ADGRG6: variants seen among roughly 807,000 people sequenced by gnomAD.
ADGRG6 encodes the protein G-protein coupled receptor 126.
A neutral mutation model predicts 142.4 loss-of-function variants in ADGRG6; 84 were observed. The ratio of observed to expected loss-of-function variants is 0.59; its 90% CI spans 0.49 to 0.71. The LOEUF (loss-of-function observed/expected upper bound fraction) is 0.71, where lower values mean the gene tolerates loss of function less well. ADGRG6 is among the 30% of genes least tolerant of loss of function. The pLI, the probability that ADGRG6 is intolerant of heterozygous loss-of-function variation, is 0.00. For synonymous variants in ADGRG6, 521 were observed against 520.5 expected (o/e 1.00, Z -0.01); for missense variants, 1,367 against 1,466.6 (o/e 0.93, Z 1.11).
intron 2 of ADGRG6, among the ~76,000 whole-genome samples, chr6:142,315,447 G>A (rs529355293): frequency 6.6e-6 from 1 of 152,112 alleles, no homozygotes; most frequent in South Asian, 2.1e-4. Flanking sequence ...TTTATAGGGT[G>A]GGGTAGTATG....
At chr6:142,332,980 G>T (rs751885853) in intron 2 of ADGRG6, among the ~76,000 whole-genome samples, 26 of 152,194 alleles carry the variant, frequency 1.7e-4, no homozygotes, top group Non-Finnish European at 2.8e-4. Flanking sequence ...CGTAAAAATA[G>T]CTTGGCAGTT....
Position 142,400,986 on chromosome 6 carries a change from A to C in ADGRG6, c.1679+390A>C, listed in dbSNP as rs927261938. 6.6e-5 allele frequency among the ~76,000 whole-genome samples: 10 copies of C among 152,312 alleles called. 1 individual carries two copies. The East Asian group carries it at 1.9e-3, about 29-fold the overall frequency. Reference sequence around the variant, plus strand: ...GGGAGAGGAGGCAAAGAGGAAATGAAGACAAGATCCAGATTGGGATAGTCT... The same window carrying C: ...GGGAGAGGAGGCAAAGAGGAAATGACGACAAGATCCAGATTGGGATAGTCT... On this transcript the variant is annotated intron_variant, in intron 11 of 24. Coordinates refer to ENST00000367609, the MANE Select transcript of ADGRG6 (RefSeq NM_198569.3).
chr6:142,345,265 A>G (rs1463284893), intron 2 of ADGRG6, among the ~76,000 whole-genome samples: 5 of 152,074 alleles, frequency 3.3e-5, no homozygotes, highest in African/African-American at 1.2e-4. Flanking sequence ...GTTTTCAATT[A>G]GGAAATAGCC....
intron 2 of ADGRG6, among the ~76,000 whole-genome samples, chr6:142,346,748 C>T (rs1032238263): frequency 6.6e-6 from 1 of 151,868 alleles, no homozygotes; most frequent in Admixed American, 6.6e-5. Context: ...AGCTGGAAAC[C>T]AGCATTCTCA....
intron 2 of ADGRG6, among the ~76,000 whole-genome samples, chr6:142,359,725 C>T (rs1780626803): frequency 6.6e-6 from 1 of 152,138 alleles, no homozygotes; most frequent in Admixed American, 6.5e-5. Context: ...TTCCCAGAAC[C>T]TGGCACAGTG....
At chr6:142,313,337 A>G (rs1475086195) in intron 2 of ADGRG6, among the ~76,000 whole-genome samples, 1 of 152,008 alleles carries the variant, frequency 6.6e-6, no homozygotes, top group Non-Finnish European at 1.5e-5. Context: ...CTAACACTCC[A>G]TGACTCTGAA....
chr6:142,420,496 C>T (rs1355697497), intron 22 of ADGRG6, among the ~76,000 whole-genome samples: 2 of 152,144 alleles, frequency 1.3e-5, no homozygotes, highest in African/African-American at 4.8e-5. Flanking sequence ...TTCATACATC[C>T]TGTCCCCTGA....
intron 18 of ADGRG6, among the ~76,000 whole-genome samples, chr6:142,413,196 G>A (rs945567766): frequency 6.7e-6 from 1 of 150,230 alleles, no homozygotes; most frequent in Non-Finnish European, 1.5e-5. Flanking sequence ...CCAAGACTTT[G>A]TTAAGAGTTT....
At position 142,443,701 on chromosome 6, in the gene ADGRG6, T is replaced by C; in HGVS notation, c.*186T>C. Reference sequence around the variant, plus strand: ...TAATATATTTCTTCCATGGAAGAGTTGTCATCACTAAAACTTCAGTACTGA... The same window carrying C: ...TAATATATTTCTTCCATGGAAGAGTCGTCATCACTAAAACTTCAGTACTGA... On this transcript the variant is annotated 3_prime_UTR_variant, in exon 25 of 25. Transcript: ENST00000367609. The C allele has an allele frequency of 2.1e-6, 1 of 483,844 alleles. No individual in the cohort carries two copies. The highest frequency in any genetic ancestry group is 3.5e-5 in the East Asian group (1 of 28,914). The allele number at this position is 483,844 out of a possible 1,614,324, so 30.0% of individuals were successfully genotyped here. A position where few individuals can be genotyped will look rare whatever the true frequency, so the allele number is the denominator to read the frequency against.
Position 142,443,401 on chromosome 6 carries a change from C to T in ADGRG6, c.3639C>T (p.Ile1213=). 1 of 1,610,932 alleles carries T rather than the reference C, an allele frequency of 6.2e-7. No homozygotes were observed. Among genetic ancestry groups the T allele is most frequent in the Non-Finnish European group, 8.5e-7 (1 of 1,177,296 alleles). The change falls in exon 25 of 25, where the codon ATC becomes ATT. Residue 1213 remains isoleucine, a synonymous_variant. Coordinates refer to ENST00000367609, the MANE Select transcript of ADGRG6 (RefSeq NM_198569.3). ...LAHADGDQTS[I]IPVHQVIDKV... ...ATGCTGATGGAGATCAAACATCAATCATCCCTGTCCATCAGGTCATTGATA... is the reference window on the plus strand; with the variant it reads ...ATGCTGATGGAGATCAAACATCAATTATCCCTGTCCATCAGGTCATTGATA...
At chr6:142,356,016 A>G (rs1032735415) in intron 2 of ADGRG6, among the ~76,000 whole-genome samples, 1 of 152,194 alleles carries the variant, frequency 6.6e-6, no homozygotes, top group African/African-American at 2.4e-5. Context: ...TCTCTTGTAC[A>G]TAACCTGCCA....
intron 2 of ADGRG6, among the ~76,000 whole-genome samples, chr6:142,339,076 GTC>G (rs1323377313): frequency 2.0e-5 from 3 of 152,050 alleles, no homozygotes; most frequent in Non-Finnish European, 2.9e-5. Context: ...TTTTTAACCT[GTC>G]TCTCACAGTA....
intron 2 of ADGRG6, among the ~76,000 whole-genome samples, chr6:142,344,806 T>G (rs1322097290): frequency 6.6e-6 from 1 of 152,000 alleles, no homozygotes; most frequent in Non-Finnish European, 1.5e-5. Context: ...ACATTTCTAA[T>G]ATACTGATAT....
At chr6:142,318,187 T>TTATATATATTTATATATTA (rs1554230731) in intron 2 of ADGRG6, among the ~76,000 whole-genome samples, 1 of 32,418 alleles carries the variant, frequency 3.1e-5, no homozygotes, top group Non-Finnish European at 4.6e-5. Flanking sequence ...ATATTATATA[T>TTATATATATTTATATATTA]TATATATTTA....
At chr6:142,373,499 G>C (rs191142006) in intron 4 of ADGRG6, among the ~76,000 whole-genome samples, 1 of 152,170 alleles carries the variant, frequency 6.6e-6, no homozygotes, top group East Asian at 1.9e-4. Context: ...TAGACCAGAG[G>C]TTGGCAAATT....
chr6:142,387,626 A>G (rs1488055660), intron 6 of ADGRG6, among the ~76,000 whole-genome samples: 3 of 152,328 alleles, frequency 2.0e-5, no homozygotes, highest in African/African-American at 7.2e-5. Flanking sequence ...TTTTTCAAAT[A>G]GGCCTATCAT....
chr6:142,419,716 T>C, intron 21 of ADGRG6, 105 bp from the exon 22 acceptor site: 1 of 804,072 alleles, frequency 1.2e-6, no homozygotes, highest in Non-Finnish European at 1.9e-6. Context: ...TCTAAAGACA[T>C]TTGAGAGGAA....
rs920780139 is a variant in ADGRG6 at position 142,394,011 on chromosome 6, C to T, written c.1424+53C>T. ...ATAACATTCTTTCTCTTGCTCACTA[C>T]TTTATCTGGTAGAGAAATGAAAACA... is the stretch of plus-strand genomic sequence containing the variant. On this transcript the variant is annotated intron_variant, in intron 9 of 24. Coordinates refer to ENST00000367609, the MANE Select transcript of ADGRG6 (RefSeq NM_198569.3). The T allele has an allele frequency of 3.7e-6, 4 of 1,092,002 alleles. No individual in the cohort carries two copies. In the African/African-American group the frequency reaches 4.7e-5, roughly 13 times the overall value. The allele number at this position is 1,092,002 out of a possible 1,614,324, so 67.6% of individuals were successfully genotyped here. A position where few individuals can be genotyped will look rare whatever the true frequency, so the allele number is the denominator to read the frequency against.
chr6:142,417,688 A>G (rs532073859), intron 21 of ADGRG6, among the ~76,000 whole-genome samples: 1 of 152,316 alleles, frequency 6.6e-6, no homozygotes, highest in Non-Finnish European at 1.5e-5. Flanking sequence ...CACGTCTTCA[A>G]GAGAGTTAAA....
Sources: gnomAD v4.1 joint callset for allele counts (sites outside exome capture counted in the v4.1 genomes callset) on GRCh38, gnomAD v4.1.1 for gene constraint, MANE v1.5 for transcripts, NCBI Gene and HGNC (gene_info 2026-07-23, HGNC 2026-07-21) for gene names.